FHIT: variants seen among roughly 807,000 people sequenced by gnomAD.
FHIT encodes the protein fragile histidine triad diadenosine triphosphatase.
Under a neutral mutation model 17.9 loss-of-function variants are expected in FHIT, and 19 were observed. The ratio of observed to expected loss-of-function variants is 1.06; its 90% CI spans 0.74 to 1.56. The LOEUF is 1.56. FHIT is among the 40% of genes most tolerant of loss of function. The probability of loss-of-function intolerance (pLI) is 0.00; values close to 1 mark genes in which losing one functional copy is unlikely to be tolerated. For synonymous variants in FHIT, 81 were observed against 69.7 expected (o/e 1.16, Z -0.81); for missense variants, 248 against 189.2 (o/e 1.31, Z -1.82).
rs1178873422 is a variant in FHIT at position 60,529,380 on chromosome 3, A to G, written c.103+7480T>C. Among the ~76,000 whole-genome samples the G allele has an allele frequency of 3.9e-5, 6 of 152,352 alleles. No individual in the cohort carries two copies. The East Asian group carries it at 1.2e-3, about 29-fold the overall frequency. ...TAAAAAAATCCACGTATATGTACTCAGTAGATTTTAACAGTTTTGATATGT... is the reference window on the plus strand; with the variant it reads ...TAAAAAAATCCACGTATATGTACTCGGTAGATTTTAACAGTTTTGATATGT... On this transcript the variant is annotated intron_variant, in intron 5 of 9. Coordinates refer to ENST00000492590, the MANE Select transcript of FHIT (RefSeq NM_002012.4).
At chr3:61,046,266 G>A (rs1052807876) in intron 2 of FHIT, among the ~76,000 whole-genome samples, 4 of 152,008 alleles carry the variant, frequency 2.6e-5, no homozygotes, top group African/African-American at 9.7e-5. Context: ...GAAGAAAAGA[G>A]AGAAGAATCA....
chr3:60,240,459 T>C (rs2107571982), intron 5 of FHIT, among the ~76,000 whole-genome samples: 1 of 152,294 alleles, frequency 6.6e-6, no homozygotes, highest in South Asian at 2.1e-4. Flanking sequence ...TAATGAAGAC[T>C]TCAATATCAG....
intron 8 of FHIT, among the ~76,000 whole-genome samples, chr3:59,894,053 G>T (rs1703963423): frequency 6.6e-6 from 1 of 152,158 alleles, no homozygotes; most frequent in South Asian, 2.1e-4. Context: ...GATCACTTTA[G>T]ACCAGCCTGG....
intron 5 of FHIT, among the ~76,000 whole-genome samples, chr3:60,065,379 G>T (rs977092811): frequency 1.3e-5 from 2 of 152,006 alleles, no homozygotes; most frequent in Admixed American, 1.3e-4. Context: ...TCTTTCATCT[G>T]TAAAATGGAT....
chr3:59,800,754 G>T lies in FHIT; in HGVS notation c.349-48433C>A, dbSNP rs141493027. 5.9e-5 allele frequency among the ~76,000 whole-genome samples: 9 copies of T among 152,266 alleles called. 1 individual carries two copies. In the South Asian group the frequency reaches 1.9e-3, roughly 32 times the overall value. On this transcript the variant is annotated intron_variant, in intron 8 of 9. Coordinates refer to ENST00000492590, the MANE Select transcript of FHIT (RefSeq NM_002012.4). ...CAGGAAGAGAAAGGGGGTCTTAAAT[G>T]TAACTAGGAGGACTTTGTAAGCATT...
intron 4 of FHIT, among the ~76,000 whole-genome samples, chr3:60,692,579 T>C (rs1369466086): frequency 6.6e-6 from 1 of 152,144 alleles, no homozygotes; most frequent in East Asian, 1.9e-4. Flanking sequence ...GCAGGCAGCT[T>C]CTGGAAGGTA....
intron 1 of FHIT, among the ~76,000 whole-genome samples, chr3:61,229,622 T>C (rs1275049283): frequency 2.0e-5 from 3 of 152,212 alleles, no homozygotes; most frequent in Non-Finnish European, 2.9e-5. Context: ...CTGGAGACAA[T>C]AGAAATACTC....
At chr3:60,642,718 T>C (rs893289761) in intron 4 of FHIT, among the ~76,000 whole-genome samples, 3 of 152,108 alleles carry the variant, frequency 2.0e-5, no homozygotes, top group Non-Finnish European at 4.4e-5. Flanking sequence ...AGGAGTATCC[T>C]CTTCCCCCCA....
intron 5 of FHIT, among the ~76,000 whole-genome samples, chr3:60,355,506 A>G (rs1240528569): frequency 6.6e-6 from 1 of 152,186 alleles, no homozygotes; most frequent in Non-Finnish European, 1.5e-5. Context: ...AGAAAATGAC[A>G]TTGCATGATT....
intron 4 of FHIT, among the ~76,000 whole-genome samples, chr3:60,805,511 A>G (rs1701351572): frequency 6.6e-6 from 1 of 152,060 alleles, no homozygotes; most frequent in South Asian, 2.1e-4. Context: ...TCCCACCCTT[A>G]TGACCTCATT....
chr3:60,952,710 C>A (rs781826640), intron 3 of FHIT, among the ~76,000 whole-genome samples: 2 of 152,122 alleles, frequency 1.3e-5, no homozygotes, highest in African/African-American at 2.4e-5. Context: ...TAGAAGACGT[C>A]CAGCTATACC....
chr3:60,397,928 C>G (rs1050828790), intron 5 of FHIT, among the ~76,000 whole-genome samples: 5 of 152,156 alleles, frequency 3.3e-5, no homozygotes, highest in African/African-American at 9.7e-5. Context: ...ACAGACCAAT[C>G]AGCACACACT....
intron 5 of FHIT, among the ~76,000 whole-genome samples, chr3:60,381,485 A>G (rs1313773007): frequency 6.6e-6 from 1 of 152,062 alleles, no homozygotes; most frequent in Admixed American, 6.6e-5. Context: ...TCTCAAAAAA[A>G]AAAAGAAAAG....
chr3:59,906,813 G>A (rs1404308823), intron 8 of FHIT, among the ~76,000 whole-genome samples: 1 of 152,134 alleles, frequency 6.6e-6, no homozygotes, highest in Non-Finnish European at 1.5e-5. Flanking sequence ...AACATTTAGT[G>A]GAAATGTCTA....
chr3:60,553,679 A>G (rs1280437421), intron 4 of FHIT, among the ~76,000 whole-genome samples: 2 of 151,982 alleles, frequency 1.3e-5, no homozygotes, highest in Admixed American at 1.3e-4. Context: ...ACAAAAATGT[A>G]TAACATTTAG....
intron 5 of FHIT, among the ~76,000 whole-genome samples, chr3:60,208,736 T>C (rs978014920): frequency 7.9e-5 from 12 of 152,176 alleles, no homozygotes; most frequent in African/African-American, 2.9e-4. Context: ...GCTCTGAGAA[T>C]ATGAAAGAAA....
intron 5 of FHIT, among the ~76,000 whole-genome samples, chr3:60,447,872 T>C (rs1467606211): frequency 2.0e-5 from 3 of 152,136 alleles, no homozygotes; most frequent in South Asian, 4.1e-4. Flanking sequence ...ATGGGGGAAA[T>C]GACCAAATTA....
At chr3:61,115,655 T>C (rs2036279593) in intron 2 of FHIT, among the ~76,000 whole-genome samples, 1 of 152,098 alleles carries the variant, frequency 6.6e-6, no homozygotes, top group Non-Finnish European at 1.5e-5. Flanking sequence ...AATAAAAGGA[T>C]GGAAGTGCCA....
intron 4 of FHIT, among the ~76,000 whole-genome samples, chr3:60,591,936 C>T (rs1437379371): frequency 6.6e-6 from 1 of 151,828 alleles, no homozygotes; most frequent in Non-Finnish European, 1.5e-5. Context: ...AATGAATTAA[C>T]AGGGATTAAT....
Sources: gnomAD v4.1 joint callset for allele counts (sites outside exome capture counted in the v4.1 genomes callset) on GRCh38, gnomAD v4.1.1 for gene constraint, MANE v1.5 for transcripts, NCBI Gene and HGNC (gene_info 2026-07-23, HGNC 2026-07-21) for gene names.